The following DIAPH2 variants were observed in gnomAD, a reference collection of about 807,000 sequenced individuals.
DIAPH2 encodes protein diaphanous homolog 2.
In DIAPH2, 35 loss-of-function variants were observed where a neutral mutation model predicts 92.7. That is an observed-to-expected ratio of 0.38 (90% CI 0.29 to 0.50). The LOEUF (loss-of-function observed/expected upper bound fraction) is 0.50, where lower values mean the gene tolerates loss of function less well. Ranked by LOEUF, DIAPH2 falls within the 20% of genes least tolerant of loss-of-function variation. DIAPH2 has a pLI of 0.94. For synonymous variants in DIAPH2, 301 were observed against 280.4 expected (o/e 1.07, Z -0.73); for missense variants, 701 against 819.5 (o/e 0.86, Z 1.77).
intron 26 of DIAPH2, among the ~76,000 whole-genome samples, chrX:97,574,181 T>C (rs1330641521): frequency 8.9e-5 from 10 of 111,996 alleles, no homozygotes; most frequent in Non-Finnish European, 1.9e-5. Flanking sequence ...ACCATTGAAC[T>C]GACCTATCTC....
chrX:97,289,481 A>T (rs1441899295), intron 23 of DIAPH2, among the ~76,000 whole-genome samples: 1 of 111,406 alleles, frequency 9.0e-6, no homozygotes, highest in Non-Finnish European at 1.9e-5. Flanking sequence ...GCTACATCTC[A>T]TTTAACTTAC....
intron 23 of DIAPH2, among the ~76,000 whole-genome samples, chrX:97,285,463 A>G (rs1458647826): frequency 9.1e-6 from 1 of 109,312 alleles, no homozygotes; most frequent in Non-Finnish European, 1.9e-5. Context: ...GCTATGTTGC[A>G]TCTTTTTGCA....
chrX:97,035,661 G>C (rs906226463), intron 17 of DIAPH2, among the ~76,000 whole-genome samples: 36 of 111,549 alleles, frequency 3.2e-4, no homozygotes, highest in African/African-American at 1.1e-3. Flanking sequence ...CAGTTTGTTG[G>C]GTATTCTAAG....
At chrX:96,869,329 C>T (rs1244850039) in intron 4 of DIAPH2, among the ~76,000 whole-genome samples, 3 of 110,146 alleles carry the variant, frequency 2.7e-5, no homozygotes, top group African/African-American at 6.6e-5. Context: ...TTTGGGAGGC[C>T]GAGGTGGGTG....
intron 26 of DIAPH2, among the ~76,000 whole-genome samples, chrX:97,597,301 G>C (rs1279079141): frequency 4.5e-5 from 5 of 112,266 alleles, no homozygotes; most frequent in African/African-American, 1.6e-4. Context: ...CCTTGCAAAA[G>C]CTTCCATGTC....
chrX:97,179,513 A>C (rs1028209179), intron 22 of DIAPH2, among the ~76,000 whole-genome samples: 5 of 110,964 alleles, frequency 4.5e-5, no homozygotes, highest in African/African-American at 9.9e-5. Context: ...TTCCAGCTTC[A>C]TCCATGTCCC....
At chrX:97,038,224 C>T (rs1465617733) in intron 17 of DIAPH2, among the ~76,000 whole-genome samples, 1 of 110,370 alleles carries the variant, frequency 9.1e-6, no homozygotes, top group African/African-American at 3.3e-5. Flanking sequence ...ATTCCATATA[C>T]ACACACACAC....
chrX:97,348,794 A>G (rs1346442350), intron 24 of DIAPH2, among the ~76,000 whole-genome samples: 1 of 110,757 alleles, frequency 9.0e-6, no homozygotes, highest in East Asian at 2.8e-4. Context: ...ATCACAGTAA[A>G]TATTAGCATT....
intron 22 of DIAPH2, among the ~76,000 whole-genome samples, chrX:97,163,059 A>G (rs781674941): frequency 3.6e-5 from 4 of 111,285 alleles, no homozygotes; most frequent in Non-Finnish European, 7.5e-5. Context: ...TTTCTTTGGA[A>G]GTTTCAGATG....
At chrX:97,337,077 A>G (rs1013685195) in intron 23 of DIAPH2, among the ~76,000 whole-genome samples, 1 of 109,385 alleles carries the variant, frequency 9.1e-6, no homozygotes, top group East Asian at 2.9e-4. Context: ...TGACTATACT[A>G]TCTTTGTTAT....
At chrX:97,393,705 CTCTT>C (rs1218117899) in intron 25 of DIAPH2, among the ~76,000 whole-genome samples, 88 of 111,973 alleles carry the variant, frequency 7.9e-4, no homozygotes, top group African/African-American at 2.8e-3. Flanking sequence ...GTAAATAAAT[CTCTT>C]TCTTTTCATG....
At chrX:97,549,213 A>G (rs1172485868) in intron 26 of DIAPH2, among the ~76,000 whole-genome samples, 1 of 112,351 alleles carries the variant, frequency 8.9e-6, no homozygotes, top group African/African-American at 3.2e-5. Flanking sequence ...ACTGTGAAGT[A>G]GATCTTAGAA....
intron 22 of DIAPH2, among the ~76,000 whole-genome samples, chrX:97,188,357 G>A (rs7884721): frequency 0.045 from 4,949 of 111,203 alleles, 96 homozygotes; most frequent in African/African-American, 0.057. Context: ...ATATTTCATA[G>A]AAGAGGTTGA....
chrX:97,506,429 G>A (rs1355999167), intron 26 of DIAPH2, among the ~76,000 whole-genome samples: 8 of 103,488 alleles, frequency 7.7e-5, no homozygotes, highest in African/African-American at 2.5e-4. Context: ...GGGATTAGAG[G>A]CGTCAGCCAC....
At chrX:96,692,075 T>G (rs1044125182) in intron 1 of DIAPH2, among the ~76,000 whole-genome samples, 1 of 112,196 alleles carries the variant, frequency 8.9e-6, no homozygotes, top group African/African-American at 3.2e-5. Context: ...GTAAAAGAAA[T>G]AAACTTTTAA....
intron 1 of DIAPH2, among the ~76,000 whole-genome samples, chrX:96,734,013 A>G (rs1401803869): frequency 1.8e-5 from 2 of 112,057 alleles, no homozygotes; most frequent in Admixed American, 9.5e-5. Context: ...ATTCCAAAGA[A>G]GAGTACTGAG....
intron 3 of DIAPH2, among the ~76,000 whole-genome samples, chrX:96,746,067 TTTTG>T (rs2064148001): frequency 9.0e-6 from 1 of 110,575 alleles, no homozygotes. Flanking sequence ...AACGTGATTT[TTTTG>T]TTTATTTTTT....
chrX:97,459,738 C>T (rs1279071849), intron 26 of DIAPH2, among the ~76,000 whole-genome samples: 2 of 111,453 alleles, frequency 1.8e-5, no homozygotes, highest in Non-Finnish European at 3.8e-5. Context: ...GTAACTTGCT[C>T]AGTGTAATAG....
chrX:97,116,754 AG>A (rs1569305076), intron 21 of DIAPH2, among the ~76,000 whole-genome samples: 1 of 112,364 alleles, frequency 8.9e-6, no homozygotes, highest in Admixed American at 9.5e-5. Flanking sequence ...GTACCTTATA[AG>A]TGTCTTAATT....
Sources: gnomAD v4.1 joint callset for allele counts (sites outside exome capture counted in the v4.1 genomes callset) on GRCh38, gnomAD v4.1.1 for gene constraint, MANE v1.5 for transcripts, NCBI Gene and HGNC (gene_info 2026-07-23, HGNC 2026-07-21) for gene names.